VWC2: variants seen among roughly 807,000 people sequenced by gnomAD.
VWC2 encodes the protein brorin.
A neutral mutation model predicts 29.8 loss-of-function variants in VWC2; 14 were observed. The ratio of observed to expected loss-of-function variants is 0.47; its 90% CI spans 0.31 to 0.74. The LOEUF (loss-of-function observed/expected upper bound fraction) is 0.74, where lower values mean the gene tolerates loss of function less well. Ranked by LOEUF, VWC2 falls within the 30% of genes least tolerant of loss-of-function variation. VWC2 has a pLI of 0.05. For missense variants in VWC2, 457 were observed against 459.8 expected, an observed-to-expected ratio of 0.99 and a Z score of 0.05; for synonymous variants, 213 against 199.0, an observed-to-expected ratio of 1.07 and a Z score of -0.59.
chr7:49,819,740 AG>A (rs1438660285), intron 3 of VWC2, among the ~76,000 whole-genome samples: 1 of 152,184 alleles, frequency 6.6e-6, no homozygotes, highest in Non-Finnish European at 1.5e-5. Flanking sequence ...TGATTCTCTA[AG>A]GGGGGCCCGT....
intron 3 of VWC2, among the ~76,000 whole-genome samples, chr7:49,858,256 G>A (rs138343379): frequency 0.014 from 2,104 of 152,122 alleles, 34 homozygotes; most frequent in African/African-American, 0.048. Flanking sequence ...ACATGCACAC[G>A]TATGTTTATT....
chr7:49,798,133 A>G (rs945076489), intron 2 of VWC2, among the ~76,000 whole-genome samples: 6 of 152,250 alleles, frequency 3.9e-5, no homozygotes, highest in Non-Finnish European at 7.3e-5. Context: ...TTTAGTTTCC[A>G]TGTGGGACAA....
rs1476427377 is a variant in VWC2, at chr7:49,810,927, TAGG to T, written c.826+8090_826+8092del. On this transcript the variant is annotated intron_variant, in intron 3 of 3. Transcript: ENST00000340652. ...CTATGTAACTTTTAGATTAAAAAGATAGGAGAACATCTTTATGACTATAGGTTG... is the reference window on the plus strand; with the variant it reads ...CTATGTAACTTTTAGATTAAAAAGATAGAACATCTTTATGACTATAGGTTG... Among the ~76,000 whole-genome samples the T allele has an allele frequency of 3.3e-5, 5 of 152,276 alleles. No homozygotes were observed. In the East Asian group the frequency reaches 9.7e-4, roughly 29 times the overall value.
At chr7:49,814,194 T>C (rs1015471087) in intron 3 of VWC2, among the ~76,000 whole-genome samples, 1 of 152,224 alleles carries the variant, frequency 6.6e-6, no homozygotes, top group African/African-American at 2.4e-5. Flanking sequence ...TTATTTATTC[T>C]TATTAGAGAA....
chr7:49,888,932 C>CA (rs923355020), intron 3 of VWC2, among the ~76,000 whole-genome samples: 116 of 149,974 alleles, frequency 7.7e-4, no homozygotes, highest in African/African-American at 2.5e-3. Flanking sequence ...AAAACAAAAA[C>CA]AAAAAAAAAC....
intron 3 of VWC2, among the ~76,000 whole-genome samples, chr7:49,903,155 T>G (rs1346951025): frequency 6.6e-6 from 1 of 152,218 alleles, no homozygotes. Context: ...GTGGTTGGAC[T>G]GTAAATTTTA....
At chr7:49,823,207 G>T (rs1164723793) in intron 3 of VWC2, among the ~76,000 whole-genome samples, 1 of 152,192 alleles carries the variant, frequency 6.6e-6, no homozygotes, top group East Asian at 1.9e-4. Flanking sequence ...ATCACACAAG[G>T]ACGCTTGGAC....
intron 3 of VWC2, among the ~76,000 whole-genome samples, chr7:49,858,934 T>G (rs1367806567): frequency 1.3e-5 from 2 of 152,242 alleles, no homozygotes; most frequent in Non-Finnish European, 2.9e-5. Context: ...GAAGGTATAT[T>G]TATTTCATGG....
chr7:49,801,671 A>G (rs776749967), intron 2 of VWC2, among the ~76,000 whole-genome samples: 1 of 152,262 alleles, frequency 6.6e-6, no homozygotes, highest in South Asian at 2.1e-4. Flanking sequence ...GATAGTGGGC[A>G]GAATGACCTG....
intron 3 of VWC2, among the ~76,000 whole-genome samples, chr7:49,885,876 G>A (rs976435391): frequency 6.6e-6 from 1 of 152,266 alleles, no homozygotes; most frequent in Admixed American, 6.5e-5. Flanking sequence ...TAGGGCTACA[G>A]GCCCTTGGCA....
intron 3 of VWC2, among the ~76,000 whole-genome samples, chr7:49,829,460 G>A (rs772719349): frequency 1.8e-4 from 28 of 152,148 alleles, no homozygotes; most frequent in African/African-American, 6.3e-4. Flanking sequence ...TAGCACCCCC[G>A]GTTAAGATTC....
intron 3 of VWC2, among the ~76,000 whole-genome samples, chr7:49,835,824 A>C (rs1431768607): frequency 6.6e-6 from 1 of 152,240 alleles, no homozygotes; most frequent in African/African-American, 2.4e-5. Context: ...GGCATTAGCT[A>C]TCTCTCTTTG....
intron 3 of VWC2, among the ~76,000 whole-genome samples, chr7:49,813,203 G>C (rs796950326): frequency 6.6e-6 from 1 of 152,220 alleles, no homozygotes; most frequent in Non-Finnish European, 1.5e-5. Flanking sequence ...AATGCAGGGA[G>C]AATGAAAGCC....
chr7:49,804,171 T>TA (rs1788815069), intron 3 of VWC2, among the ~76,000 whole-genome samples: 1 of 150,738 alleles, frequency 6.6e-6, no homozygotes, highest in African/African-American at 2.4e-5. Flanking sequence ...TGTTTTTTTT[T>TA]TAAAAAAAAA....
intron 3 of VWC2, among the ~76,000 whole-genome samples, chr7:49,808,727 G>A (rs1788931207): frequency 6.6e-6 from 1 of 151,960 alleles, no homozygotes; most frequent in South Asian, 2.1e-4. Context: ...ACAACAGAAG[G>A]AAATCTGGGA....
chr7:49,827,564 G>A (rs927817481), intron 3 of VWC2, among the ~76,000 whole-genome samples: 18 of 134,602 alleles, frequency 1.3e-4, no homozygotes, highest in Non-Finnish European at 2.9e-4. Context: ...TCTTTGTATT[G>A]GATGGGAGGT....
Position 49,775,957 on chromosome 7 carries a change from G to C in VWC2, c.522G>C (p.Ser174=), listed in dbSNP as rs941769314. The change falls in exon 2 of 4, where the codon TCG becomes TCC. Residue 174 remains serine, a synonymous_variant. Transcript: ENST00000340652. ...AIGEKFAPGP[S]ACPCLCTEEG... Reference sequence around the variant, plus strand: ...GGGAGAAGTTCGCGCCGGGCCCCTCGGCCTGCCCGTGCCTGTGCACCGAGG... The same window carrying C: ...GGGAGAAGTTCGCGCCGGGCCCCTCCGCCTGCCCGTGCCTGTGCACCGAGG... The C allele has an allele frequency of 4.4e-5, 68 of 1,551,380 alleles. No individual in the cohort carries two copies. The highest frequency in any genetic ancestry group is 5.7e-5 in the Non-Finnish European group (66 of 1,150,800).
At chr7:49,781,628 A>G (rs1788179448) in intron 2 of VWC2, among the ~76,000 whole-genome samples, 1 of 152,188 alleles carries the variant, frequency 6.6e-6, no homozygotes, top group Non-Finnish European at 1.5e-5. Context: ...AAGATCGTGC[A>G]TAGTGTCTTC....
chr7:49,891,672 CT>C (rs1792135067), intron 3 of VWC2, among the ~76,000 whole-genome samples: 1 of 152,182 alleles, frequency 6.6e-6, no homozygotes, highest in Non-Finnish European at 1.5e-5. Flanking sequence ...TTCTTATATA[CT>C]GATTCTGATG....
Sources: gnomAD v4.1 joint callset for allele counts (sites outside exome capture counted in the v4.1 genomes callset) on GRCh38, gnomAD v4.1.1 for gene constraint, MANE v1.5 for transcripts, NCBI Gene and HGNC (gene_info 2026-07-23, HGNC 2026-07-21) for gene names.